Variants in ATAD1 observed in about 807,000 individuals in gnomAD.
ATAD1 encodes ATPase family AAA domain containing 1.
Under a neutral mutation model 42.7 loss-of-function variants are expected in ATAD1, and 18 were observed. The observed-to-expected ratio is 0.42, with a 90% CI of 0.29 to 0.63. The LOEUF (loss-of-function observed/expected upper bound fraction) is 0.63, where lower values mean the gene tolerates loss of function less well. ATAD1 is among the 20% of genes least tolerant of loss of function. The pLI, the probability that ATAD1 is intolerant of heterozygous loss-of-function variation, is 0.19. For synonymous variants in ATAD1, 132 were observed against 143.1 expected (o/e 0.92, Z 0.55); for missense variants, 294 against 440.4 (o/e 0.67, Z 2.98).
At chr10:87,767,480 C>T (rs1589472539) in intron 8 of ATAD1, among the ~76,000 whole-genome samples, 193 bp downstream of exon 8, 1 of 152,192 alleles carries the variant, frequency 6.6e-6, no homozygotes, top group African/African-American at 2.4e-5. Flanking sequence ...GGAAGTGGAG[C>T]TCTAGCCCAC....
rs567908679 is a variant in ATAD1 at position 87,799,070 on chromosome 10, G to A, written c.163-6315C>T. The stretch of plus-strand genomic sequence containing the variant: ...TTCATCAGGAAAAAAGAGAAGACTC[G>A]TCAAATGCTTTTTCAAGTTTACATA... On this transcript the variant is annotated intron_variant, in intron 2 of 9. Transcript: ENST00000680024. Among the ~76,000 whole-genome samples, 13 of 152,090 alleles carry A rather than the reference G, an allele frequency of 8.5e-5. No homozygotes were observed. The South Asian group carries it at 1.9e-3, about 22-fold the overall frequency.
intron 2 of ATAD1, among the ~76,000 whole-genome samples, chr10:87,803,164 G>T (rs1038942725): frequency 8.6e-5 from 13 of 151,930 alleles, no homozygotes; most frequent in Admixed American, 3.9e-4. Flanking sequence ...CTTCCTCCCC[G>T]TTTTCTCTTC....
upstream of ATAD1, among the ~76,000 whole-genome samples, chr10:87,820,279 A>G (rs1414057842): frequency 1.3e-5 from 2 of 152,124 alleles, no homozygotes; most frequent in Non-Finnish European, 2.9e-5. Context: ...TTGTGCCCCA[A>G]TAGGGTAATT....
intron 8 of ATAD1, among the ~76,000 whole-genome samples, chr10:87,760,948 C>T (rs1019619925): frequency 3.3e-5 from 5 of 151,634 alleles, no homozygotes; most frequent in Admixed American, 1.3e-4. Context: ...TTAAAATAAG[C>T]GAATCATGTT....
At chr10:87,788,412 A>C (rs1470916054) in intron 4 of ATAD1, among the ~76,000 whole-genome samples, 1 of 149,936 alleles carries the variant, frequency 6.7e-6, no homozygotes, top group Non-Finnish European at 1.5e-5. Flanking sequence ...TCAAAAAGTA[A>C]ATTAATGATC....
intron 2 of ATAD1, among the ~76,000 whole-genome samples, chr10:87,806,534 T>G (rs1042243405): frequency 1.3e-5 from 2 of 152,188 alleles, no homozygotes; most frequent in African/African-American, 4.8e-5. Flanking sequence ...AACCATATGT[T>G]TGATTCCCTA....
At chr10:87,769,349 C>A (rs1195334694) in intron 7 of ATAD1, among the ~76,000 whole-genome samples, 3 of 152,140 alleles carry the variant, frequency 2.0e-5, no homozygotes, top group African/African-American at 7.2e-5. Flanking sequence ...AACAGTGCTT[C>A]CACAAATTCT....
intron 1 of ATAD1, among the ~76,000 whole-genome samples, chr10:87,828,948 C>T (rs776845905): frequency 2.0e-5 from 3 of 152,202 alleles, no homozygotes; most frequent in Non-Finnish European, 4.4e-5. Flanking sequence ...TTGAGACCTA[C>T]TGTTCAGAAA....
At chr10:87,797,623 C>T (rs531235786) in intron 2 of ATAD1, among the ~76,000 whole-genome samples, 1 of 152,266 alleles carries the variant, frequency 6.6e-6, no homozygotes, top group South Asian at 2.1e-4. Context: ...CATGACCTGA[C>T]TTGTTTGGCT....
chr10:87,807,998 T>C (rs1319480069), intron 2 of ATAD1, among the ~76,000 whole-genome samples: 2 of 152,240 alleles, frequency 1.3e-5, no homozygotes, highest in African/African-American at 2.4e-5. Context: ...ATGTGTTGTA[T>C]GTCTTATGTT....
chr10:87,837,667 A>C (rs1225897365), intron 1 of ATAD1, among the ~76,000 whole-genome samples: 1 of 151,788 alleles, frequency 6.6e-6, no homozygotes, highest in African/African-American at 2.4e-5. Flanking sequence ...CCAGAAATCT[A>C]GTGCTTTAGT....
chr10:87,829,077 T>G lies in ATAD1; in HGVS notation c.-14+12110A>C, dbSNP rs548264156. Among the ~76,000 whole-genome samples, 8 of 152,306 alleles carry G rather than the reference T, an allele frequency of 5.3e-5. No homozygotes were observed. The East Asian group carries it at 1.5e-3, about 29-fold the overall frequency. On this transcript the variant is annotated intron_variant, in intron 1 of 4. Transcript: ENST00000495903. The stretch of plus-strand genomic sequence containing the variant: ...ATGCCTACTAACACATCATCCATTC[T>G]GCAGTCCATGGATCAAAGAGTAACT...
intron 8 of ATAD1, among the ~76,000 whole-genome samples, chr10:87,763,536 G>A (rs183887323): frequency 3.0e-3 from 455 of 152,272 alleles, no homozygotes; most frequent in Non-Finnish European, 4.5e-3. Flanking sequence ...AGCTGTGCGT[G>A]GTGAAGCATG....
In ATAD1 at chr10:87,771,051, T is replaced by A; in HGVS notation, c.691-10A>T. 1 of 1,602,936 alleles carries A rather than the reference T, an allele frequency of 6.2e-7. No individual in the cohort carries two copies. The highest frequency in any genetic ancestry group is 1.7e-5 in the Admixed American group (1 of 59,918). Reference sequence around the variant, plus strand: ...CTCCCATTACTATGACCTAAGTGTATAAAGAAGACAGAAGGTATTAAATCT... The same window carrying A: ...CTCCCATTACTATGACCTAAGTGTAAAAAGAAGACAGAAGGTATTAAATCT... On this transcript the variant is annotated splice_polypyrimidine_tract_variant and intron_variant, in intron 6 of 9. Coordinates refer to ENST00000680024, the MANE Select transcript of ATAD1 (RefSeq NM_001321967.2).
intron 2 of ATAD1, among the ~76,000 whole-genome samples, chr10:87,806,277 A>AT (rs558734637): frequency 0.018 from 2,689 of 147,620 alleles, 82 homozygotes; most frequent in African/African-American, 0.06. Flanking sequence ...TCCTCTGGTC[A>AT]TTTTTTTTTT....
intron 7 of ATAD1, among the ~76,000 whole-genome samples, chr10:87,770,281 C>G (rs183140105): frequency 1.3e-5 from 2 of 152,266 alleles, no homozygotes; most frequent in Admixed American, 6.5e-5. Context: ...AACATATTTT[C>G]TACTAGTAAA....
At chr10:87,836,558 T>C (rs1262643407) in intron 1 of ATAD1, among the ~76,000 whole-genome samples, 1 of 152,228 alleles carries the variant, frequency 6.6e-6, no homozygotes, top group Non-Finnish European at 1.5e-5. Context: ...ATTCACACTG[T>C]TTTTCCCCTG....
At chr10:87,761,238 A>C (rs1341126841) in intron 8 of ATAD1, among the ~76,000 whole-genome samples, 1 of 152,244 alleles carries the variant, frequency 6.6e-6, no homozygotes, top group Non-Finnish European at 1.5e-5. Context: ...TTCAGCATAT[A>C]AATACCAACC....
rs12267114 is a variant in ATAD1, at chr10:87,806,324, A to G, written c.162+8114T>C. Among the ~76,000 whole-genome samples the G allele has an allele frequency of 7.3e-3, 1,113 of 152,086 alleles. 10 individuals carry two copies. Among genetic ancestry groups the G allele is most frequent in the African/African-American group, 0.026 (1,065 of 41,494 alleles). ...AGTGCTTTTACTAATAACTAGGTAG[A>G]TAAAATAATATCTTAGACTGTTTAG... On this transcript the variant is annotated intron_variant, in intron 2 of 9. Transcript: ENST00000680024.
Sources: allele counts gnomAD v4.1 joint callset (sites outside exome capture counted in the v4.1 genomes callset), GRCh38; gene constraint gnomAD v4.1.1; transcripts MANE v1.5; gene names NCBI Gene and HGNC (gene_info 2026-07-23, HGNC 2026-07-21).